Variants in CHL1 observed in about 807,000 individuals in gnomAD.
CHL1 encodes the protein cell adhesion molecule L1 like, also known as neural cell adhesion molecule L1-like protein.
In CHL1, 96 loss-of-function variants were observed where a neutral mutation model predicts 141.9. That is an observed-to-expected ratio of 0.68 (90% CI 0.57 to 0.80). The LOEUF is 0.80. Among genes scored for constraint, CHL1 ranks in the 30% least tolerant of loss-of-function variants. The pLI, the probability that CHL1 is intolerant of heterozygous loss-of-function variation, is 0.00. For synonymous variants in CHL1, 613 were observed against 502.2 expected, an observed-to-expected ratio of 1.22 and a Z score of -2.95; for missense variants, 1,820 against 1,457.2, an observed-to-expected ratio of 1.25 and a Z score of -4.05.
At chr3:276,606 G>A (rs1458749398) in intron 2 of CHL1, among the ~76,000 whole-genome samples, 5 of 152,000 alleles carry the variant, frequency 3.3e-5, no homozygotes, top group Non-Finnish European at 2.9e-5. Context: ...TATGGGCTCT[G>A]GGGCTGGGCA....
At chr3:321,276 T>C (rs1379444152) in intron 3 of CHL1, among the ~76,000 whole-genome samples, 2 of 152,204 alleles carry the variant, frequency 1.3e-5, no homozygotes, top group Non-Finnish European at 2.9e-5. Flanking sequence ...CATTTCCATT[T>C]CTTAAGAAAT....
intron 5 of CHL1, among the ~76,000 whole-genome samples, chr3:331,058 C>A (rs1252322872): frequency 6.6e-6 from 1 of 152,020 alleles, no homozygotes. Flanking sequence ...CACCTCATAT[C>A]ATATAAAAAT....
At chr3:311,328 T>A (rs1032436411) in intron 2 of CHL1, among the ~76,000 whole-genome samples, 2 of 151,914 alleles carry the variant, frequency 1.3e-5, no homozygotes, top group Non-Finnish European at 1.5e-5. Flanking sequence ...TCAATAGTAA[T>A]GCATATACTA....
chr3:393,783 A>C (rs1478007681), intron 23 of CHL1, among the ~76,000 whole-genome samples: 1 of 152,178 alleles, frequency 6.6e-6, no homozygotes, highest in Non-Finnish European at 1.5e-5. Flanking sequence ...AATCTAAAAA[A>C]GTGATGATTT....
intron 2 of CHL1, among the ~76,000 whole-genome samples, chr3:307,265 C>A (rs1209640688): frequency 6.6e-6 from 1 of 152,158 alleles, no homozygotes; most frequent in Non-Finnish European, 1.5e-5. Flanking sequence ...TATGTATTAG[C>A]CATCAAATGT....
At chr3:357,777 A>T (rs1453839127) in intron 11 of CHL1, among the ~76,000 whole-genome samples, 1 of 152,262 alleles carries the variant, frequency 6.6e-6, no homozygotes, top group South Asian at 2.1e-4. Context: ...TTACTTAAAT[A>T]AAGTATCATT....
At chr3:285,205 A>G (rs1697022153) in intron 2 of CHL1, among the ~76,000 whole-genome samples, 1 of 152,236 alleles carries the variant, frequency 6.6e-6, no homozygotes, top group South Asian at 2.1e-4. Flanking sequence ...CAAGTCAAAC[A>G]TCTTGATGAG....
At position 398,297 on chromosome 3, in the gene CHL1, G is replaced by A. The variant is rs199842549; in HGVS notation, c.3165G>A (p.Pro1055=). ...QKTHPIEVFE[P]GAEHIVRLMT... Reference sequence around the variant, plus strand: ...CTCACCCAATAGAGGTATTTGAGCCGGGAGCTGAACATATAGTTCGCCTAA... The same window carrying A: ...CTCACCCAATAGAGGTATTTGAGCCAGGAGCTGAACATATAGTTCGCCTAA... The change falls in exon 25 of 28, where the codon CCG becomes CCA. Residue 1055 remains proline (P), a synonymous_variant. Coordinates refer to ENST00000256509, the MANE Select transcript of CHL1 (RefSeq NM_006614.4). The A allele has an allele frequency of 6.2e-5, 99 of 1,607,312 alleles. No homozygotes were observed. The highest frequency in any genetic ancestry group is 7.9e-5 in the Non-Finnish European group (93 of 1,174,154).
intron 24 of CHL1, among the ~76,000 whole-genome samples, chr3:397,745 A>G (rs1251232728): frequency 6.6e-6 from 1 of 152,154 alleles, no homozygotes; most frequent in Non-Finnish European, 1.5e-5. Context: ...TTGGACTTCT[A>G]TAAATTTCAA....
At chr3:240,856 C>A (rs962690952) in intron 1 of CHL1, among the ~76,000 whole-genome samples, 5 of 107,520 alleles carry the variant, frequency 4.7e-5, no homozygotes, top group African/African-American at 1.3e-4. Context: ...ATAGGGTGTT[C>A]TTTCCCCCAC....
At chr3:351,171 C>T (rs951349453) in intron 10 of CHL1, among the ~76,000 whole-genome samples, 2 of 152,090 alleles carry the variant, frequency 1.3e-5, no homozygotes, top group Admixed American at 1.3e-4. Flanking sequence ...AAAAGAATTG[C>T]AAGGGTTGCA....
chr3:356,790 A>C (rs1395873417), intron 11 of CHL1, among the ~76,000 whole-genome samples: 2 of 152,200 alleles, frequency 1.3e-5, no homozygotes, highest in East Asian at 3.9e-4. Flanking sequence ...CTAGGCCACC[A>C]GATCCGCCAG....
intron 1 of CHL1, among the ~76,000 whole-genome samples, chr3:211,763 A>T (rs775919975): frequency 1.3e-5 from 2 of 152,204 alleles, no homozygotes; most frequent in African/African-American, 4.8e-5. Flanking sequence ...CAACCCCAAA[A>T]TGCTGTGCTA....
chr3:333,144 TTGC>T (rs1297184058), intron 5 of CHL1, among the ~76,000 whole-genome samples: 2 of 144,620 alleles, frequency 1.4e-5, no homozygotes, highest in African/African-American at 5.1e-5. Context: ...TTTTTTTTTT[TTGC>T]TGCTGCTGCA....
chr3:310,096 G>A (rs1187729437), intron 2 of CHL1, among the ~76,000 whole-genome samples: 3 of 152,072 alleles, frequency 2.0e-5, no homozygotes, highest in Admixed American at 6.5e-5. Context: ...AAACAGAGGG[G>A]ATGGTATTTA....
At chr3:321,290 A>G (rs1025722684) in intron 3 of CHL1, among the ~76,000 whole-genome samples, 2 of 152,062 alleles carry the variant, frequency 1.3e-5, no homozygotes, top group Non-Finnish European at 2.9e-5. Flanking sequence ...AAGAAATTCC[A>G]CTTATCTGAC....
chr3:239,174 A>T (rs1187947730), intron 1 of CHL1, among the ~76,000 whole-genome samples: 1 of 152,166 alleles, frequency 6.6e-6, no homozygotes, highest in East Asian at 1.9e-4. Flanking sequence ...CAGAACAGTG[A>T]TGTGGCTGCT....
intron 1 of CHL1, among the ~76,000 whole-genome samples, chr3:198,481 TCCA>T (rs1481100410): frequency 6.6e-6 from 1 of 152,198 alleles, no homozygotes; most frequent in Non-Finnish European, 1.5e-5. Flanking sequence ...GAATTCCAGC[TCCA>T]CCATCACTGT....
At chr3:263,536 G>A (rs1694909990) in intron 2 of CHL1, among the ~76,000 whole-genome samples, 1 of 152,210 alleles carries the variant, frequency 6.6e-6, no homozygotes. Flanking sequence ...GAGATGTGGT[G>A]CATAAGACAT....
Sources: allele counts gnomAD v4.1 joint callset (sites outside exome capture counted in the v4.1 genomes callset), GRCh38; gene constraint gnomAD v4.1.1; transcripts MANE v1.5; gene names NCBI Gene and HGNC (gene_info 2026-07-23, HGNC 2026-07-21).